Variants in DPP6 observed in about 807,000 individuals in gnomAD.
DPP6 encodes dipeptidyl peptidase like 6.
Under a neutral mutation model 122.6 loss-of-function variants are expected in DPP6, and 69 were observed. The ratio of observed to expected loss-of-function variants is 0.56; its 90% CI spans 0.46 to 0.69. DPP6 has a LOEUF of 0.69. Among genes scored for constraint, DPP6 ranks in the 30% least tolerant of loss-of-function variants. DPP6 has a pLI of 0.00. For missense variants in DPP6, 928 were observed against 1,116.9 expected (o/e 0.83, Z 2.41); for synonymous variants, 418 against 433.1 (o/e 0.97, Z 0.43).
At chr7:154,842,176 C>T (rs555802145) in intron 16 of DPP6, among the ~76,000 whole-genome samples, 1 of 152,332 alleles carries the variant, frequency 6.6e-6, no homozygotes, top group Non-Finnish European at 1.5e-5. Context: ...CAGAGCCTGC[C>T]TCTGCTCACA....
chr7:154,533,358 T>C (rs1827992894), intron 3 of DPP6, among the ~76,000 whole-genome samples: 1 of 152,192 alleles, frequency 6.6e-6, no homozygotes, highest in African/African-American at 2.4e-5. Context: ...AATCATCAAA[T>C]GACTCCTATT....
At chr7:154,364,559 G>C (rs1436581153) in intron 1 of DPP6, among the ~76,000 whole-genome samples, 3 of 152,166 alleles carry the variant, frequency 2.0e-5, no homozygotes, top group Admixed American at 6.5e-5. Context: ...GGGGTGGGGG[G>C]TTGCATTCTG....
chr7:154,671,408 G>A (rs1313532542), intron 7 of DPP6, among the ~76,000 whole-genome samples: 1 of 152,186 alleles, frequency 6.6e-6, no homozygotes, highest in African/African-American at 2.4e-5. Context: ...GTAGTCAGGA[G>A]AAGACCATCA....
At chr7:153,981,528 T>C (rs1796585368) in intron 1 of DPP6, among the ~76,000 whole-genome samples, 1 of 152,200 alleles carries the variant, frequency 6.6e-6, no homozygotes, top group African/African-American at 2.4e-5. Flanking sequence ...AATTGGGGCA[T>C]TTAGTGCATT....
At chr7:154,691,198 G>T (rs1387194) in intron 7 of DPP6, among the ~76,000 whole-genome samples, 140,370 of 152,220 alleles carry the variant, frequency 0.92, 65,768 homozygotes, top group East Asian at 1. Flanking sequence ...TTCATGGGCT[G>T]CATGGATTAA....
At chr7:154,802,303 T>C (rs1798418646) in intron 13 of DPP6, among the ~76,000 whole-genome samples, 1 of 151,750 alleles carries the variant, frequency 6.6e-6, no homozygotes, top group Non-Finnish European at 1.5e-5. Flanking sequence ...CAAAAGAAAA[T>C]CCAAGAACAT....
chr7:154,883,664 T>TAACA (rs1805703419), intron 21 of DPP6: 1 of 126,078 alleles, frequency 7.9e-6, no homozygotes, highest in African/African-American at 3.7e-5. Flanking sequence ...ATACACATGC[T>TAACA]CACACGATTA....
At chr7:154,260,599 A>G (rs747781705) in intron 1 of DPP6, among the ~76,000 whole-genome samples, 5 of 150,620 alleles carry the variant, frequency 3.3e-5, no homozygotes, top group Admixed American at 1.3e-4. Flanking sequence ...ATAGTCTCCA[A>G]TCTCACCTAG....
At chr7:154,341,571 G>T (rs947009216) in intron 1 of DPP6, among the ~76,000 whole-genome samples, 1 of 151,734 alleles carries the variant, frequency 6.6e-6, no homozygotes, top group African/African-American at 2.4e-5. Context: ...TTTCTTGGAA[G>T]CTGCATCATT....
chr7:154,232,822 A>C (rs1158871076), intron 1 of DPP6, among the ~76,000 whole-genome samples: 1 of 152,210 alleles, frequency 6.6e-6, no homozygotes, highest in Non-Finnish European at 1.5e-5. Context: ...GGAGAAGCCA[A>C]AAGTCAGCAG....
intron 1 of DPP6, among the ~76,000 whole-genome samples, chr7:153,982,620 G>A (rs1356419626): frequency 6.6e-6 from 1 of 151,710 alleles, no homozygotes; most frequent in East Asian, 1.9e-4. Flanking sequence ...AGGAGAAGAG[G>A]AATTCCGGTT....
At chr7:154,587,129 G>C (rs566198190) in intron 5 of DPP6, 19 of 154,866 alleles carry the variant, frequency 1.2e-4, no homozygotes, top group Non-Finnish European at 2.7e-4. Flanking sequence ...GGTGCTTCTT[G>C]TTGTATTTAT....
intron 10 of DPP6, among the ~76,000 whole-genome samples, chr7:154,789,611 C>T (rs1425175475): frequency 2.6e-5 from 4 of 152,222 alleles, no homozygotes; most frequent in African/African-American, 9.7e-5. Flanking sequence ...GTAAAGGTCT[C>T]CCTCTGCCGG....
the DPP6 span, among the ~76,000 whole-genome samples, chr7:153,848,661 T>G: frequency 1.5e-3 from 235 of 152,330 alleles, no homozygotes; most frequent in African/African-American, 4.9e-3. Flanking sequence ...GATTATAAGT[T>G]TAGTTTGATG....
At chr7:154,695,054 A>G (rs1840139501) in intron 7 of DPP6, among the ~76,000 whole-genome samples, 1 of 152,242 alleles carries the variant, frequency 6.6e-6, no homozygotes, top group South Asian at 2.1e-4. Flanking sequence ...TGTCATTAAA[A>G]TAGACCCCGT....
chr7:154,343,067 C>T (rs759264), intron 1 of DPP6, among the ~76,000 whole-genome samples: 17,257 of 152,226 alleles, frequency 0.11, 1,439 homozygotes, highest in African/African-American at 0.23. Flanking sequence ...ATGACTTGAC[C>T]GTAGATTTGC....
chr7:154,247,904 GTTA>G (rs1802091555), intron 1 of DPP6, among the ~76,000 whole-genome samples: 1 of 152,218 alleles, frequency 6.6e-6, no homozygotes, highest in Non-Finnish European at 1.5e-5. Context: ...ACAGTGAACT[GTTA>G]TTGTGTTAGT....
chr7:154,435,620 C>T (rs544083607), intron 1 of DPP6, among the ~76,000 whole-genome samples: 2 of 152,292 alleles, frequency 1.3e-5, no homozygotes, highest in Admixed American at 6.5e-5. Flanking sequence ...TTGACGGACA[C>T]GTGTCAGCTG....
chr7:154,336,667 G>A (rs1809454648), intron 1 of DPP6, among the ~76,000 whole-genome samples: 1 of 152,200 alleles, frequency 6.6e-6, no homozygotes, highest in African/African-American at 2.4e-5. Context: ...AGAGTTGTGG[G>A]GAGAAAACCC....
Sources: gnomAD v4.1 joint callset for allele counts (sites outside exome capture counted in the v4.1 genomes callset) on GRCh38, gnomAD v4.1.1 for gene constraint, MANE v1.5 for transcripts, NCBI Gene and HGNC (gene_info 2026-07-23, HGNC 2026-07-21) for gene names.